HESX1: variants seen among roughly 807,000 people sequenced by gnomAD.
HESX1 encodes HESX homeobox 1, also known as homeobox expressed in ES cells 1.
Under a neutral mutation model 22.5 loss-of-function variants are expected in HESX1, and 11 were observed. The observed-to-expected ratio is 0.49, with a 90% CI of 0.31 to 0.81. HESX1 has a LOEUF of 0.81. HESX1 is among the 30% of genes least tolerant of loss of function. The pLI, the probability that HESX1 is intolerant of heterozygous loss-of-function variation, is 0.05. For synonymous variants in HESX1, 74 were observed against 76.5 expected (o/e 0.97, Z 0.17); for missense variants, 201 against 212.6 (o/e 0.95, Z 0.34).
upstream of HESX1, chr3:57,200,162 C>T (rs889134712): frequency 2.0e-6 from 1 of 505,196 alleles, no homozygotes; most frequent in African/African-American, 1.9e-5. Context: ...ATGGCTACAC[C>T]AGGGGGGCCA....
chr3:57,227,292 C>G (rs1480739290), upstream of HESX1, among the ~76,000 whole-genome samples: 4 of 152,236 alleles, frequency 2.6e-5, no homozygotes, highest in African/African-American at 9.6e-5. Flanking sequence ...TCTCAGACAT[C>G]TGAGTTAGTC....
upstream of HESX1, among the ~76,000 whole-genome samples, chr3:57,227,534 C>G (rs2060655182): frequency 6.6e-6 from 1 of 152,248 alleles, no homozygotes; most frequent in Non-Finnish European, 1.5e-5. Flanking sequence ...GATTTAGATA[C>G]AAACGCGCGC....
At chr3:57,217,598 A>T (rs2060589638) in intron 1 of HESX1, among the ~76,000 whole-genome samples, 2 of 151,946 alleles carry the variant, frequency 1.3e-5, no homozygotes, top group African/African-American at 4.8e-5. Flanking sequence ...GGGCTCTGAC[A>T]CCCCAGACCT....
intron 1 of HESX1, among the ~76,000 whole-genome samples, chr3:57,225,068 T>C (rs1186399471): frequency 6.6e-6 from 1 of 152,198 alleles, no homozygotes; most frequent in Non-Finnish European, 1.5e-5. Context: ...AAAACTGGCT[T>C]AAAATGAACT....
At position 57,199,838 on chromosome 3, in the gene HESX1, T is replaced by C; in HGVS notation, c.81A>G (p.Leu27=). ...CACAGTCTTTCTTCTGGTCCAGTCC[T>C]AAGATTCTCTCAATTGAAAAGGAGC... ...STCSFSIERI[L]GLDQKKDCVP... The change falls in exon 1 of 4, where the codon TTA becomes TTG. Residue 27 remains leucine (L), a synonymous_variant. Coordinates refer to ENST00000295934, the MANE Select transcript of HESX1 (RefSeq NM_003865.3). 1 of 1,614,068 alleles carries C rather than the reference T, an allele frequency of 6.2e-7. No individual in the cohort carries two copies. The highest frequency in any genetic ancestry group is 1.1e-5 in the South Asian group (1 of 91,082).
chr3:57,205,768 C>G (rs1396749499), intron 1 of HESX1, among the ~76,000 whole-genome samples: 1 of 152,208 alleles, frequency 6.6e-6, no homozygotes, highest in Non-Finnish European at 1.5e-5. Context: ...CATCCCTTGC[C>G]CTGTTCCCAT....
At chr3:57,206,521 C>A (rs1048420040) in intron 1 of HESX1, among the ~76,000 whole-genome samples, 14 of 152,144 alleles carry the variant, frequency 9.2e-5, no homozygotes. Context: ...TTGCTGAGAT[C>A]TCAACAAGTA....
chr3:57,202,258 A>G (rs974496913), upstream of HESX1, among the ~76,000 whole-genome samples: 1 of 152,086 alleles, frequency 6.6e-6, no homozygotes, highest in Non-Finnish European at 1.5e-5. Context: ...TGAGTAGTTG[A>G]AAATAAAAGG....
rs961688819 is a variant in HESX1 at position 57,212,337 on chromosome 3, G to A, written c.-110-12309C>T. The stretch of plus-strand genomic sequence containing the variant: ...GCACTTTGGGAGGCTGAGGTGGGTG[G>A]ATCACGAGGTCAAGAGATCGAGACC... On this transcript the variant is annotated intron_variant, in intron 1 of 2. Coordinates refer to the HESX1 transcript ENST00000495160. 3.9e-5 allele frequency among the ~76,000 whole-genome samples: 6 copies of A among 152,082 alleles called. No individual in the cohort carries two copies. In the East Asian group the frequency reaches 1.2e-3, roughly 29 times the overall value.
Position 57,198,967 on chromosome 3 carries a change from A to T in HESX1, c.158-15T>A. The T allele has an allele frequency of 6.2e-7, 1 of 1,609,208 alleles. No individual in the cohort carries two copies. The highest frequency in any genetic ancestry group is 8.5e-7 in the Non-Finnish European group (1 of 1,175,506). On this transcript the variant is annotated splice_polypyrimidine_tract_variant and intron_variant, in intron 1 of 3. Transcript: ENST00000295934. Reference sequence around the variant, plus strand: ...ACCATCTTTCCCTAAAAACAAAAAAATAAGCCCTGTCTTAGATGGTCAATC... The same window carrying T: ...ACCATCTTTCCCTAAAAACAAAAAATTAAGCCCTGTCTTAGATGGTCAATC...
intron 1 of HESX1, among the ~76,000 whole-genome samples, chr3:57,205,583 A>G (rs181485275): frequency 6.6e-6 from 1 of 152,256 alleles, no homozygotes; most frequent in Admixed American, 6.5e-5. Context: ...TATCTGGCAC[A>G]GTCTTCCCTC....
rs1396161597 is a variant in HESX1 at position 57,199,633 on chromosome 3, A to AT, written c.157+128_157+129insA. On this transcript the variant is annotated intron_variant, in intron 1 of 3. Transcript: ENST00000295934. The stretch of plus-strand genomic sequence containing the variant: ...ACACTCTGTCTCAGAAAAAAAAAAA[A>AT]AATAATAAATAATAATAATAAATTA... The AT allele has an allele frequency of 5.9e-3, 3,255 of 547,174 alleles. 1 individual carries two copies. Among genetic ancestry groups the AT allele is most frequent in the East Asian group, 0.021 (373 of 18,114 alleles). The allele number at this position is 547,174 out of a possible 1,614,324, so 33.9% of individuals were successfully genotyped here. A position where few individuals can be genotyped will look rare whatever the true frequency, so the allele number is the denominator to read the frequency against.
At chr3:57,222,609 T>C (rs1326932048) in intron 1 of HESX1, among the ~76,000 whole-genome samples, 3 of 152,114 alleles carry the variant, frequency 2.0e-5, no homozygotes, top group African/African-American at 7.2e-5. Context: ...AGAATTCCCA[T>C]GTGGGGTAAG....
Position 57,198,262 on chromosome 3 carries a change from T to C in HESX1, c.493A>G (p.Arg165Gly). Residue 165 changes from arginine (R) to glycine (G), a missense_variant, in exon 4 of 4, where the codon AGG becomes GGG. Arg to Gly is a moderately radical substitution (Grantham distance 125, BLOSUM62 -2). Transcript: ENST00000295934. ...AGAAACTGTGATTCTCTATGGGACC[T>C]TTTCAGTTTTGCACGCCGATTTTGA... ...WFQNRRAKLK[R>G]SHRESQFLMA... 1 of 1,613,010 alleles carries C rather than the reference T, an allele frequency of 6.2e-7. No individual in the cohort carries two copies. Among genetic ancestry groups the C allele is most frequent in the Non-Finnish European group, 8.5e-7 (1 of 1,179,238 alleles).
chr3:57,209,990 C>G (rs1053086694), intron 1 of HESX1, among the ~76,000 whole-genome samples: 5 of 152,144 alleles, frequency 3.3e-5, no homozygotes, highest in Admixed American at 3.3e-4. Context: ...AGTGGCAGAG[C>G]CTTGACTTGT....
intron 1 of HESX1, among the ~76,000 whole-genome samples, chr3:57,215,777 CA>C (rs1270372889): frequency 1.3e-5 from 2 of 151,954 alleles, no homozygotes; most frequent in Non-Finnish European, 2.9e-5. Context: ...AAAAAACAAA[CA>C]AACAAACAAA....
intron 1 of HESX1, among the ~76,000 whole-genome samples, chr3:57,208,216 C>T (rs1363963664): frequency 6.6e-6 from 1 of 152,108 alleles, no homozygotes; most frequent in Non-Finnish European, 1.5e-5. Context: ...TTTGTCAGTA[C>T]TCATTGATTG....
chr3:57,204,399 T>C (rs2060508149), upstream of HESX1, among the ~76,000 whole-genome samples: 1 of 152,188 alleles, frequency 6.6e-6, no homozygotes, highest in African/African-American at 2.4e-5. Context: ...AGAACATATC[T>C]TGCTGATGGA....
intron 1 of HESX1, among the ~76,000 whole-genome samples, chr3:57,218,402 C>T (rs1197900179): frequency 1.3e-5 from 2 of 149,816 alleles, no homozygotes; most frequent in Admixed American, 6.7e-5. Context: ...TGATGGCCTA[C>T]AGCTCTATCC....
Sources: allele counts gnomAD v4.1 joint callset (sites outside exome capture counted in the v4.1 genomes callset), GRCh38; gene constraint gnomAD v4.1.1; transcripts MANE v1.5; gene names NCBI Gene and HGNC (gene_info 2026-07-23, HGNC 2026-07-21).